The following CHRM5 variants were observed in gnomAD, a reference collection of about 807,000 sequenced individuals.
CHRM5 encodes the protein cholinergic receptor muscarinic 5, also known as muscarinic acetylcholine receptor M5.
A neutral mutation model predicts 39.0 loss-of-function variants in CHRM5; 18 were observed. The ratio of observed to expected loss-of-function variants is 0.46; its 90% CI spans 0.32 to 0.68. CHRM5 has a LOEUF of 0.68. Among genes scored for constraint, CHRM5 ranks in the 30% least tolerant of loss-of-function variants. The pLI, the probability that CHRM5 is intolerant of heterozygous loss-of-function variation, is 0.04. For missense variants in CHRM5, 515 were observed against 651.1 expected (o/e 0.79, Z 2.28); for synonymous variants, 241 against 246.3 (o/e 0.98, Z 0.20).
At chr15:34,022,806 AG>A (rs1257479070) in intron 1 of CHRM5, among the ~76,000 whole-genome samples, 1 of 152,242 alleles carries the variant, frequency 6.6e-6, no homozygotes, top group Non-Finnish European at 1.5e-5. Context: ...TCTGGCTGGA[AG>A]GATGAGATTT....
chr15:33,983,170 G>GTGTGTGTA (rs796742277), intron 1 of CHRM5, among the ~76,000 whole-genome samples: 2 of 126,488 alleles, frequency 1.6e-5, no homozygotes, highest in Admixed American at 8.5e-5. Context: ...ATGTGTGTGT[G>GTGTGTGTA]TATATATACA....
chr15:33,986,899 C>T (rs940332551), intron 1 of CHRM5, among the ~76,000 whole-genome samples: 7 of 152,118 alleles, frequency 4.6e-5, no homozygotes, highest in African/African-American at 9.7e-5. Context: ...CCTCGTGATC[C>T]GCCCACCTCG....
intron 1 of CHRM5, among the ~76,000 whole-genome samples, chr15:34,043,579 C>T (rs1899568535): frequency 6.6e-6 from 1 of 152,148 alleles, no homozygotes; most frequent in Non-Finnish European, 1.5e-5. Context: ...GCTATTCTTT[C>T]AGCCTGGAAT....
chr15:33,978,811 A>C (rs1260778624), intron 1 of CHRM5, among the ~76,000 whole-genome samples: 1 of 152,212 alleles, frequency 6.6e-6, no homozygotes. Context: ...AGGATATATT[A>C]ATAAACCACA....
At chr15:34,060,175 G>C (rs1226725789) in intron 2 of CHRM5, among the ~76,000 whole-genome samples, 2 of 152,176 alleles carry the variant, frequency 1.3e-5, no homozygotes, top group Non-Finnish European at 2.9e-5. Flanking sequence ...CTTAGAATTT[G>C]CTTCAACAAC....
rs981219861 is a variant in CHRM5 at position 34,038,703 on chromosome 15, C to G, written c.-407-7837C>G. Reference sequence around the variant, plus strand: ...GGCGCGCGCCTGGCACGCTCTCTTGCGGCTCTTGACTGGCGGCCTCGGCCC... The same window carrying G: ...GGCGCGCGCCTGGCACGCTCTCTTGGGGCTCTTGACTGGCGGCCTCGGCCC... On this transcript the variant is annotated intron_variant, in intron 1 of 2. Coordinates refer to ENST00000383263, the MANE Select transcript of CHRM5 (RefSeq NM_012125.4). 2.8e-5 allele frequency: 31 copies of G among 1,101,994 alleles called. No homozygotes were observed. In the Admixed American group the frequency reaches 6.5e-4, roughly 23 times the overall value. The allele number at this position is 1,101,994 out of a possible 1,614,324, so 68.3% of individuals were successfully genotyped here.
intron 1 of CHRM5, among the ~76,000 whole-genome samples, chr15:34,017,500 T>TTTTTG (rs1897982817): frequency 6.7e-6 from 1 of 148,958 alleles, no homozygotes; most frequent in African/African-American, 2.5e-5. Context: ...TTTTTTTTTT[T>TTTTTG]GAGACAGGGT....
chr15:33,978,037 G>A (rs938134375), intron 1 of CHRM5, among the ~76,000 whole-genome samples: 16 of 151,446 alleles, frequency 1.1e-4, no homozygotes, highest in Admixed American at 9.2e-4. Context: ...ATGGAAGGAT[G>A]GAGGAGGAAG....
rs201992416 is a variant in CHRM5, at chr15:33,969,538, AAATT to A, written c.-408+392_-408+395del. ...CCAGAGTACTTGATAAAACAAAGAA[AAATT>A]AATAAGCATTTTAAATATTTTTATT... is the stretch of plus-strand genomic sequence containing the variant. On this transcript the variant is annotated intron_variant, in intron 1 of 2. Transcript: ENST00000383263. 8.4e-3 allele frequency among the ~76,000 whole-genome samples: 1,276 copies of A among 152,184 alleles called. 14 individuals carry two copies. The highest frequency in any genetic ancestry group is 0.027 in the South Asian group (128 of 4,824).
chr15:33,999,474 A>T (rs1284140943), intron 1 of CHRM5, among the ~76,000 whole-genome samples: 1 of 152,156 alleles, frequency 6.6e-6, no homozygotes, highest in East Asian at 1.9e-4. Flanking sequence ...TATCAAAGTG[A>T]CATCTCACTT....
Position 34,062,644 on chromosome 15 carries a change from T to C in CHRM5, c.-74T>C. 7.1e-7 allele frequency: 1 copy of C among 1,414,092 alleles called. No homozygotes were observed. Among genetic ancestry groups the C allele is most frequent in the Non-Finnish European group, 9.6e-7 (1 of 1,036,544 alleles). 87.6% of individuals were successfully genotyped at this position (1,414,092 alleles called of 1,614,324 possible). A position where few individuals can be genotyped will look rare whatever the true frequency, so the allele number is the denominator to read the frequency against. Reference sequence around the variant, plus strand: ...CTAATGTGTTTCCCTCTCTTCCAGATGCTGGCCAAGAAGAGCTGAAATAGA... The same window carrying C: ...CTAATGTGTTTCCCTCTCTTCCAGACGCTGGCCAAGAAGAGCTGAAATAGA... On this transcript the variant is annotated splice_region_variant and 5_prime_UTR_variant, in exon 3 of 3. The change abolishes an upstream ATG in the 5' untranslated region. Coordinates refer to ENST00000383263, the MANE Select transcript of CHRM5 (RefSeq NM_012125.4).
intron 1 of CHRM5, among the ~76,000 whole-genome samples, chr15:33,976,186 T>TA (rs34096224): frequency 2.0e-5 from 3 of 152,188 alleles, no homozygotes; most frequent in African/African-American, 7.2e-5. Flanking sequence ...ATCTTCCATC[T>TA]AAAAAAGCCA....
chr15:34,050,486 A>G (rs1899893908), intron 2 of CHRM5, among the ~76,000 whole-genome samples: 1 of 152,192 alleles, frequency 6.6e-6, no homozygotes, highest in South Asian at 2.1e-4. Flanking sequence ...GACAGGATCA[A>G]ATTCACACAT....
chr15:34,041,627 A>T (rs1252526347), intron 1 of CHRM5, among the ~76,000 whole-genome samples: 5 of 152,314 alleles, frequency 3.3e-5, no homozygotes, highest in African/African-American at 1.2e-4. Context: ...TTTGAAAGGT[A>T]TGCCATTTTA....
At position 33,993,083 on chromosome 15, in the gene CHRM5, T is replaced by G. The variant is rs1041028700; in HGVS notation, c.-408+23933T>G. Reference sequence around the variant, plus strand: ...TCACACTGTTAAACATTTTTCTAACTCTGGCTATCTGTGACATCTTGAAAG... The same window carrying G: ...TCACACTGTTAAACATTTTTCTAACGCTGGCTATCTGTGACATCTTGAAAG... On this transcript the variant is annotated intron_variant, in intron 1 of 2. Transcript: ENST00000383263. 8.5e-5 allele frequency among the ~76,000 whole-genome samples: 13 copies of G among 152,344 alleles called. No individual in the cohort carries two copies. The East Asian group carries it at 1.3e-3, about 16-fold the overall frequency.
chr15:34,057,242 T>C (rs1900190730), intron 2 of CHRM5, among the ~76,000 whole-genome samples: 1 of 151,816 alleles, frequency 6.6e-6, no homozygotes, highest in Non-Finnish European at 1.5e-5. Context: ...GTTCAAGCGA[T>C]TCTCCTGCCT....
intron 1 of CHRM5, among the ~76,000 whole-genome samples, chr15:34,005,142 T>C (rs563328566): frequency 3.3e-5 from 5 of 152,274 alleles, no homozygotes; most frequent in Admixed American, 3.3e-4. Context: ...TATGTATATA[T>C]TTATATATAC....
chr15:33,990,050 C>T (rs763073227), intron 1 of CHRM5, among the ~76,000 whole-genome samples: 1 of 151,368 alleles, frequency 6.6e-6, no homozygotes, highest in Non-Finnish European at 1.5e-5. Flanking sequence ...TAAAAATACA[C>T]AAAATTAGCC....
chr15:34,042,783 C>T (rs971126255), intron 1 of CHRM5, among the ~76,000 whole-genome samples: 2 of 152,098 alleles, frequency 1.3e-5, no homozygotes, highest in African/African-American at 4.8e-5. Context: ...AAAATAGCAT[C>T]ACCTGGGAAC....
Sources: allele counts gnomAD v4.1 joint callset (sites outside exome capture counted in the v4.1 genomes callset), GRCh38; gene constraint gnomAD v4.1.1; transcripts MANE v1.5; gene names NCBI Gene and HGNC (gene_info 2026-07-23, HGNC 2026-07-21).